Variants in FUT8 observed in about 807,000 individuals in gnomAD.
FUT8 encodes the protein fucosyltransferase 8.
In FUT8, 29 loss-of-function variants were observed where a neutral mutation model predicts 71.3. The ratio of observed to expected loss-of-function variants is 0.41; its 90% CI spans 0.30 to 0.55. FUT8 has a LOEUF of 0.55. Among genes scored for constraint, FUT8 ranks in the 20% least tolerant of loss-of-function variants. The probability of loss-of-function intolerance (pLI) is 0.34; values close to 1 mark genes in which losing one functional copy is unlikely to be tolerated. For missense variants in FUT8, 544 were observed against 702.1 expected, an observed-to-expected ratio of 0.77 and a Z score of 2.55; for synonymous variants, 254 against 239.3, an observed-to-expected ratio of 1.06 and a Z score of -0.57.
At chr14:65,460,375 A>C (rs1466269422) in intron 2 of FUT8, among the ~76,000 whole-genome samples, 1 of 152,202 alleles carries the variant, frequency 6.6e-6, no homozygotes, top group Non-Finnish European at 1.5e-5. Context: ...CTCTCTAGGG[A>C]AAAAGGTTGG....
chr14:65,412,025 C>G (rs991031512), upstream of FUT8: 4 of 456,642 alleles, frequency 8.8e-6, no homozygotes, highest in African/African-American at 8.0e-5. Flanking sequence ...AGCCTCTCCC[C>G]TCTCCCCGTG....
At chr14:65,611,290 CACACACACACA>C (rs1888974216) in intron 3 of FUT8, among the ~76,000 whole-genome samples, 12 of 43,630 alleles carry the variant, frequency 2.8e-4, no homozygotes, top group Non-Finnish European at 3.5e-4. Flanking sequence ...CACACACACA[CACACACACACA>C]CCCCCCAAGT....
chr14:65,480,299 A>ATTT lies in FUT8; in HGVS notation c.-228+24605_-228+24607dup, dbSNP rs5809276. ...TTGCAAACTGCAGAAATGAACTGTG[A>ATTT]TTTTTTTTTTTTTTTTTTTTTTTTT... On this transcript the variant is annotated intron_variant, in intron 2 of 10. Transcript: ENST00000673929. Among the ~76,000 whole-genome samples, 55 of 96,950 alleles carry ATTT rather than the reference A, an allele frequency of 5.7e-4. 2 individuals are homozygous for ATTT. The highest frequency in any genetic ancestry group is 1.7e-3 in the African/African-American group (45 of 26,122). 63.6% of individuals were successfully genotyped at this position (96,950 alleles called of 152,430 possible).
intron 2 of FUT8, among the ~76,000 whole-genome samples, chr14:65,484,844 C>A (rs889589395): frequency 6.6e-6 from 1 of 151,900 alleles, no homozygotes. Context: ...GTTCTTTTCT[C>A]TTTTTGTGTT....
At chr14:65,471,170 C>T in intron 2 of FUT8, 1 of 269,416 alleles carries the variant, frequency 3.7e-6, no homozygotes, top group Non-Finnish European at 7.5e-6. Flanking sequence ...GAACTTTCCC[C>T]CTCATCCCTC....
At chr14:65,737,035 A>G (rs1896248050) in intron 10 of FUT8, among the ~76,000 whole-genome samples, 1 of 152,132 alleles carries the variant, frequency 6.6e-6, no homozygotes. Flanking sequence ...AGAAGGAAAA[A>G]TACAAGGCTA....
chr14:65,454,961 A>G (rs573762047), intron 1 of FUT8, among the ~76,000 whole-genome samples: 1 of 152,324 alleles, frequency 6.6e-6, no homozygotes, highest in South Asian at 2.1e-4. Context: ...AAAATACTCT[A>G]CTGAAGATTA....
Position 65,721,834 on chromosome 14 carries a change from C to G in FUT8, c.895C>G (p.Pro299Ala), listed in dbSNP as rs770121085. 8.1e-6 allele frequency: 13 copies of G among 1,614,136 alleles called. No homozygotes were observed. The South Asian group carries it at 1.4e-4, about 18-fold the overall frequency. Residue 299 changes from proline (P) to alanine (A), a missense_variant, in exon 8 of 11, where the codon CCC becomes GCC. Pro to Ala is a conservative substitution (Grantham distance 27, BLOSUM62 -1). Transcript: ENST00000673929. ...GCTTCCCATTGTAGACAGTCTTCAT[C>G]CCCGTCCTCCATATTTACCCTTGGC... ...VELPIVDSLHPRPPYLPLAVP... is the reference protein window; with the variant it reads ...VELPIVDSLHARPPYLPLAVP...
At chr14:65,721,244 TAA>T (rs34050977) in intron 7 of FUT8, among the ~76,000 whole-genome samples, 1 of 146,856 alleles carries the variant, frequency 6.8e-6, no homozygotes. Context: ...TCCAATAGAT[TAA>T]AAAAAAAAAA....
At chr14:65,435,981 T>G (rs1245616108) in intron 1 of FUT8, among the ~76,000 whole-genome samples, 2 of 147,686 alleles carry the variant, frequency 1.4e-5, no homozygotes, top group African/African-American at 2.5e-5. Flanking sequence ...CAGACTGGAG[T>G]GCAGTGGTGT....
At chr14:65,687,294 A>G (rs1273447490) in intron 7 of FUT8, among the ~76,000 whole-genome samples, 1 of 152,148 alleles carries the variant, frequency 6.6e-6, no homozygotes, top group Non-Finnish European at 1.5e-5. Context: ...TTTCCAGAAA[A>G]TCACATGGTG....
chr14:65,598,979 T>C (rs769630869), intron 3 of FUT8, among the ~76,000 whole-genome samples: 4 of 151,988 alleles, frequency 2.6e-5, no homozygotes, highest in African/African-American at 9.7e-5. Context: ...TTAGTAAAGA[T>C]GGGGTTTCAC....
At chr14:65,725,496 A>G (rs949728550) in intron 9 of FUT8, among the ~76,000 whole-genome samples, 1 of 152,212 alleles carries the variant, frequency 6.6e-6, no homozygotes, top group Non-Finnish European at 1.5e-5. Context: ...TATTAAATGT[A>G]TGTAAAAGTA....
At chr14:65,424,168 A>G (rs2065346658) in intron 1 of FUT8, among the ~76,000 whole-genome samples, 1 of 152,216 alleles carries the variant, frequency 6.6e-6, no homozygotes, top group Admixed American at 6.5e-5. Context: ...TATACAATTT[A>G]TTGGAAAGAT....
intron 9 of FUT8, among the ~76,000 whole-genome samples, chr14:65,725,775 T>G (rs1895653935): frequency 6.6e-6 from 1 of 152,248 alleles, no homozygotes; most frequent in African/African-American, 2.4e-5. Flanking sequence ...TCATTTAAGC[T>G]TTTTGGCTAT....
intron 7 of FUT8, among the ~76,000 whole-genome samples, chr14:65,698,743 G>GGA (rs1314086948): frequency 2.0e-5 from 3 of 152,028 alleles, no homozygotes; most frequent in African/African-American, 7.2e-5. Flanking sequence ...GCAAACTGTG[G>GGA]GATCCCTGTT....
At chr14:65,465,033 T>C (rs2066022696) in intron 2 of FUT8, among the ~76,000 whole-genome samples, 1 of 152,226 alleles carries the variant, frequency 6.6e-6, no homozygotes, top group Non-Finnish European at 1.5e-5. Context: ...TATTTGTTTC[T>C]TCTTGTGTGA....
At chr14:65,374,795 T>G in the FUT8 span, among the ~76,000 whole-genome samples, 2 of 151,562 alleles carry the variant, frequency 1.3e-5, no homozygotes, top group Non-Finnish European at 2.9e-5. Flanking sequence ...TGACGTGGGA[T>G]TTCACCATAT....
Position 65,742,076 on chromosome 14 carries a change from T to G in FUT8, c.1411-17T>G. On this transcript the variant is annotated splice_polypyrimidine_tract_variant and intron_variant, in intron 10 of 10. Transcript: ENST00000673929. ...AGTGTTTATATACTAACAATTTCTT[T>G]TAAATTCTTTCCCAAGGTCTGTCGA... The G allele has an allele frequency of 6.2e-7, 1 of 1,602,382 alleles. No individual in the cohort carries two copies. The highest frequency in any genetic ancestry group is 8.5e-7 in the Non-Finnish European group (1 of 1,172,732).
Sources: allele counts gnomAD v4.1 joint callset (sites outside exome capture counted in the v4.1 genomes callset), GRCh38; gene constraint gnomAD v4.1.1; transcripts MANE v1.5; gene names NCBI Gene and HGNC (gene_info 2026-07-23, HGNC 2026-07-21).